RPS6KA2: variants seen among roughly 807,000 people sequenced by gnomAD.
The protein encoded by RPS6KA2 is ribosomal protein S6 kinase alpha-2.
In RPS6KA2, 42 loss-of-function variants were observed where a neutral mutation model predicts 91.8. The ratio of observed to expected loss-of-function variants is 0.46; its 90% CI spans 0.36 to 0.59. The LOEUF (loss-of-function observed/expected upper bound fraction) is 0.59. Among genes scored for constraint, RPS6KA2 ranks in the 20% least tolerant of loss-of-function variants. The pLI is 0.00. For synonymous variants in RPS6KA2, 414 were observed against 393.6 expected (o/e 1.05, Z -0.61); for missense variants, 798 against 978.5 (o/e 0.82, Z 2.46).
chr6:166,520,648 A>C (rs1782824470), intron 3 of RPS6KA2, among the ~76,000 whole-genome samples: 1 of 152,234 alleles, frequency 6.6e-6, no homozygotes, highest in Non-Finnish European at 1.5e-5. Context: ...GGTAATGGGT[A>C]GAGGTTGGAA....
At chr6:166,811,775 AAAGTCTTGGTGAACC>A (rs1423562915) in intron 2 of RPS6KA2, among the ~76,000 whole-genome samples, 1 of 152,268 alleles carries the variant, frequency 6.6e-6, no homozygotes, top group African/African-American at 2.4e-5. Flanking sequence ...CTAGAGTTCC[AAAGTCTTGGTGAACC>A]ACCCATTCTT....
At chr6:166,727,493 C>A (rs963283909) in intron 2 of RPS6KA2, among the ~76,000 whole-genome samples, 21 of 152,078 alleles carry the variant, frequency 1.4e-4, no homozygotes, top group Non-Finnish European at 2.8e-4. Context: ...CCTCAGGTAT[C>A]AGCACCCTAA....
chr6:166,832,036 T>TAGATA, intron 2 of RPS6KA2, among the ~76,000 whole-genome samples: 1 of 148,050 alleles, frequency 6.8e-6, no homozygotes, highest in Non-Finnish European at 1.5e-5. Flanking sequence ...AGATGATACA[T>TAGATA]GATAGATAGA....
intron 2 of RPS6KA2, among the ~76,000 whole-genome samples, chr6:166,663,035 A>G (rs957459245): frequency 6.6e-6 from 1 of 152,094 alleles, no homozygotes; most frequent in Non-Finnish European, 1.5e-5. Flanking sequence ...TCAAGCCTCC[A>G]GAACTGAGAG....
intron 2 of RPS6KA2, among the ~76,000 whole-genome samples, chr6:166,647,417 C>T (rs943304626): frequency 2.0e-5 from 3 of 152,154 alleles, no homozygotes; most frequent in African/African-American, 7.2e-5. Flanking sequence ...TGTGGGCCTC[C>T]AGGATTCCTC....
At chr6:166,723,571 C>T in intron 2 of RPS6KA2, among the ~76,000 whole-genome samples, 1 of 152,200 alleles carries the variant, frequency 6.6e-6, no homozygotes, top group East Asian at 1.9e-4. Flanking sequence ...TAAATACAAA[C>T]AGAAGCGAGG....
In RPS6KA2 at chr6:166,419,031, C is replaced by A. The variant is rs1245335512; in HGVS notation, c.1821-689G>T. The stretch of plus-strand genomic sequence containing the variant: ...TAAGAAACTGAGGTTCCTTCCTTTG[C>A]TACTGCAGTCCTCAGGGTGCGGCTT... On this transcript the variant is annotated intron_variant, in intron 18 of 20. Coordinates refer to ENST00000265678, the MANE Select transcript of RPS6KA2 (RefSeq NM_021135.6). The surrounding 1 kb of genome is among the most constrained non-coding windows in gnomAD (Gnocchi z 5.6). 6.6e-6 allele frequency among the ~76,000 whole-genome samples: 1 copy of A among 152,222 alleles called. No homozygotes were observed. Among genetic ancestry groups the A allele is most frequent in the Non-Finnish European group, 1.5e-5 (1 of 68,046 alleles).
chr6:166,831,085 AG>A (rs1242702359), intron 2 of RPS6KA2, among the ~76,000 whole-genome samples: 1 of 152,036 alleles, frequency 6.6e-6, no homozygotes, highest in African/African-American at 2.4e-5. Flanking sequence ...CTCCAGTGGC[AG>A]GGGGTATTGG....
intron 2 of RPS6KA2, among the ~76,000 whole-genome samples, chr6:166,855,429 GGAAGAAGAGGAAGAA>G (rs1396440166): frequency 8.4e-6 from 1 of 119,450 alleles, no homozygotes; most frequent in South Asian, 2.7e-4. Context: ...AAGAAGAAGA[GGAAGAAGAGGAAGAA>G]GAAGAGGAAG....
At chr6:166,615,338 C>T (rs1294322682) in intron 1 of RPS6KA2, among the ~76,000 whole-genome samples, 1 of 152,238 alleles carries the variant, frequency 6.6e-6, no homozygotes, top group African/African-American at 2.4e-5. Context: ...CGTGGACTCC[C>T]TGTGCACAGT....
At chr6:166,444,144 C>A (rs1046827524) in intron 14 of RPS6KA2, among the ~76,000 whole-genome samples, 10 of 152,194 alleles carry the variant, frequency 6.6e-5, no homozygotes, top group African/African-American at 2.4e-4. Context: ...AATTCCCTCT[C>A]TCAATTCTTA....
At chr6:166,601,399 T>C (rs757102951) in intron 1 of RPS6KA2, among the ~76,000 whole-genome samples, 1 of 152,202 alleles carries the variant, frequency 6.6e-6, no homozygotes, top group African/African-American at 2.4e-5. Context: ...GTTGTGTCAA[T>C]CGCAAGTTGT....
intron 2 of RPS6KA2, among the ~76,000 whole-genome samples, chr6:166,661,037 A>G (rs554705126): frequency 2.6e-5 from 4 of 152,196 alleles, no homozygotes; most frequent in Non-Finnish European, 4.4e-5. Context: ...GTGTTTCTCA[A>G]ATAATGCCTG....
chr6:166,619,498 AG>A (rs1432149182), intron 1 of RPS6KA2, among the ~76,000 whole-genome samples: 30 of 152,068 alleles, frequency 2.0e-4, no homozygotes, highest in African/African-American at 6.5e-4. Context: ...TGTAGAACGC[AG>A]CAGTCTCTCC....
At chr6:166,671,715 G>A (rs1328055290) in intron 2 of RPS6KA2, among the ~76,000 whole-genome samples, 1 of 152,156 alleles carries the variant, frequency 6.6e-6, no homozygotes, top group African/African-American at 2.4e-5. Context: ...AAGTCAGGGT[G>A]CAGATATCAG....
At chr6:166,430,268 G>C (rs1399703956) in intron 16 of RPS6KA2, among the ~76,000 whole-genome samples, 185 bp downstream of exon 16, 1 of 152,088 alleles carries the variant, frequency 6.6e-6, no homozygotes, top group Non-Finnish European at 1.5e-5. Flanking sequence ...GCACCCGGCT[G>C]GGAAGAGAAT....
chr6:166,611,721 C>T (rs2071255578), intron 1 of RPS6KA2, among the ~76,000 whole-genome samples: 1 of 152,234 alleles, frequency 6.6e-6, no homozygotes, highest in Non-Finnish European at 1.5e-5. Flanking sequence ...TCTTTCCTCT[C>T]GTGTGTTGGC....
chr6:166,625,634 C>G (rs1363167669), intron 1 of RPS6KA2, among the ~76,000 whole-genome samples: 3 of 150,296 alleles, frequency 2.0e-5, no homozygotes, highest in African/African-American at 7.5e-5. Flanking sequence ...AAATACTGTT[C>G]TGAGTTTCTG....
intron 3 of RPS6KA2, among the ~76,000 whole-genome samples, chr6:166,512,324 A>C (rs566480273): frequency 1.3e-5 from 2 of 152,248 alleles, no homozygotes; most frequent in Admixed American, 1.3e-4. Flanking sequence ...GAAGGGGGAG[A>C]ATGGGAAGTC....
Sources: allele counts gnomAD v4.1 joint callset (sites outside exome capture counted in the v4.1 genomes callset), GRCh38; gene constraint gnomAD v4.1.1; non-coding constraint Gnocchi (gnomAD v3.1); transcripts MANE v1.5; gene names NCBI Gene and HGNC (gene_info 2026-07-23, HGNC 2026-07-21).